The following HORMAD1 variants were observed in gnomAD, a reference collection of about 807,000 sequenced individuals.
The protein encoded by HORMAD1 is HORMA domain-containing protein 1.
A neutral mutation model predicts 58.2 loss-of-function variants in HORMAD1; 33 were observed. The observed-to-expected ratio is 0.57, with a 90% CI of 0.43 to 0.76. The LOEUF is 0.76. HORMAD1 is among the 30% of genes least tolerant of loss of function. The pLI is 0.00. For synonymous variants in HORMAD1, 137 were observed against 144.6 expected, an observed-to-expected ratio of 0.95 and a Z score of 0.38; for missense variants, 363 against 462.0, an observed-to-expected ratio of 0.79 and a Z score of 1.96.
In HORMAD1 at chr1:150,708,088, T is replaced by C. The variant is rs587719860; in HGVS notation, c.547+168A>G. Among the ~76,000 whole-genome samples, 8 of 152,340 alleles carry C rather than the reference T, an allele frequency of 5.3e-5. No individual in the cohort carries two copies. In the South Asian group the frequency reaches 1.7e-3, roughly 32 times the overall value. ...GTTCCTATCACTAGAGAAGCATCTA[T>C]TTTAAAGCTTAATTTTGTAAATCTT... On this transcript the variant is annotated intron_variant, in intron 9 of 14. Coordinates refer to ENST00000361824, the MANE Select transcript of HORMAD1 (RefSeq NM_032132.5).
chr1:150,700,914 T>C (rs967892179), intron 13 of HORMAD1, among the ~76,000 whole-genome samples: 4 of 152,194 alleles, frequency 2.6e-5, no homozygotes, highest in East Asian at 1.9e-4. Flanking sequence ...ATGCTGTATA[T>C]ATAGTTATTA....
At position 150,708,419 on chromosome 1, in the gene HORMAD1, T is replaced by C; in HGVS notation, c.396-12A>G. The C allele has an allele frequency of 6.5e-7, 1 of 1,545,714 alleles. No homozygotes were observed. The highest frequency in any genetic ancestry group is 8.8e-7 in the Non-Finnish European group (1 of 1,138,698). The stretch of plus-strand genomic sequence containing the variant: ...TGCTTTGGTTTTTACTAGAAGAGAA[T>C]CACATATTAATTTATTTTATAAAAC... On this transcript the variant is annotated splice_polypyrimidine_tract_variant and intron_variant, in intron 8 of 14. Transcript: ENST00000361824.
chr1:150,711,449 G>A, intron 7 of HORMAD1, 96 bp downstream of exon 7: 1 of 895,170 alleles, frequency 1.1e-6, no homozygotes, highest in South Asian at 1.4e-5. Context: ...ATTGATTAAA[G>A]CATAATTAAA....
At position 150,704,493 on chromosome 1, in the gene HORMAD1, A is replaced by G. The variant is rs1032452283; in HGVS notation, c.805-150T>C. ...GGGCATGGTGGCTCATGCTTGTATT[A>G]CTAGCACTTTGGAAGGCCATGGAGG... is the stretch of plus-strand genomic sequence containing the variant. On this transcript the variant is annotated intron_variant, in intron 10 of 14. Transcript: ENST00000361824. The G allele has an allele frequency of 5.1e-5, 31 of 608,434 alleles. 1 individual carries two copies. In the South Asian group the frequency reaches 6.4e-4, roughly 13 times the overall value. The allele number at this position is 608,434 out of a possible 1,614,324, so 37.7% of individuals were successfully genotyped here. A position where few individuals can be genotyped will look rare whatever the true frequency, so the allele number is the denominator to read the frequency against.
At chr1:150,712,784 T>C (rs957165579) in intron 5 of HORMAD1, among the ~76,000 whole-genome samples, 47 of 152,170 alleles carry the variant, frequency 3.1e-4, no homozygotes, top group African/African-American at 1.1e-3. Context: ...TAACCTTAGG[T>C]GATCCACGTG....
rs370511788 is a variant in HORMAD1 at position 150,704,293 on chromosome 1, T to C, written c.855A>G (p.Ala285=). 1.5e-5 allele frequency: 24 copies of C among 1,595,450 alleles called. No homozygotes were observed. The highest frequency in any genetic ancestry group is 2.0e-5 in the Non-Finnish European group (23 of 1,172,384). Residue 285 remains alanine, a synonymous_variant, in exon 11 of 15, where the codon GCA becomes GCG. Transcript: ENST00000361824. ...ACTTCTTACCTTCAAGTTCAGAAGA[T>C]GCAGGGTTTTTTTCCTGTTCTTCCA... is the stretch of plus-strand genomic sequence containing the variant. ...TKMEEQEKNP[A]SSELEEPSLV... is the part of the protein sequence containing the mutation.
At chr1:150,718,019 A>T (rs960322164) in intron 2 of HORMAD1, among the ~76,000 whole-genome samples, 1 of 152,196 alleles carries the variant, frequency 6.6e-6, no homozygotes, top group Non-Finnish European at 1.5e-5. Flanking sequence ...TATTTTGAGG[A>T]TGAATAAAAC....
intron 3 of HORMAD1, among the ~76,000 whole-genome samples, 171 bp from the exon 4 acceptor site, chr1:150,714,849 G>C (rs1005343502): frequency 1.3e-5 from 2 of 152,068 alleles, no homozygotes; most frequent in African/African-American, 4.8e-5. Context: ...GCGGTGACAT[G>C]ATCTCGGCTC....
Position 150,704,211 on chromosome 1 carries a change from A to G in HORMAD1, c.872-17T>C, listed in dbSNP as rs1198971886. On this transcript the variant is annotated splice_polypyrimidine_tract_variant and intron_variant, in intron 11 of 14. Coordinates refer to ENST00000361824, the MANE Select transcript of HORMAD1 (RefSeq NM_032132.5). The stretch of plus-strand genomic sequence containing the variant: ...AACTTGGTTCTGTAAAAAAAAAAAA[A>G]AAAAGTTACCCGGGTATAAAATTGA... The G allele has an allele frequency of 6.3e-7, 1 of 1,577,680 alleles. No individual in the cohort carries two copies. Among genetic ancestry groups the G allele is most frequent in the South Asian group, 1.2e-5 (1 of 84,532 alleles).
chr1:150,699,929 A>G (rs963322686), intron 14 of HORMAD1, among the ~76,000 whole-genome samples, 183 bp downstream of exon 14: 3 of 152,174 alleles, frequency 2.0e-5, no homozygotes, highest in South Asian at 2.1e-4. Flanking sequence ...ATAAACCAAC[A>G]TAGGGCATCT....
chr1:150,716,051 A>G (rs1416396831), intron 3 of HORMAD1, among the ~76,000 whole-genome samples: 1 of 152,010 alleles, frequency 6.6e-6, no homozygotes, highest in Admixed American at 6.6e-5. Context: ...CATGCAATAG[A>G]ACATTATTCA....
chr1:150,714,723 A>G, intron 3 of HORMAD1, 45 bp from the exon 4 acceptor site: 1 of 897,228 alleles, frequency 1.1e-6, no homozygotes, highest in South Asian at 1.9e-5. Flanking sequence ...AAGAAAAGTA[A>G]ACAACTAGAA....
At chr1:150,699,765 C>T (rs61817598) in intron 14 of HORMAD1, among the ~76,000 whole-genome samples, 11,175 of 151,560 alleles carry the variant, frequency 0.074, 583 homozygotes, top group East Asian at 0.18. Flanking sequence ...ATCTCTTGAC[C>T]TCGTGATCCA....
At chr1:150,699,768 G>A (rs377643513) in intron 14 of HORMAD1, among the ~76,000 whole-genome samples, 2 of 150,692 alleles carry the variant, frequency 1.3e-5, no homozygotes, top group Non-Finnish European at 3.0e-5. Flanking sequence ...TCTTGACCTC[G>A]TGATCCACCT....
At chr1:150,713,005 A>C (rs371174298) in intron 5 of HORMAD1, among the ~76,000 whole-genome samples, 1 of 152,100 alleles carries the variant, frequency 6.6e-6, no homozygotes, top group African/African-American at 2.4e-5. Context: ...AATTGCCCTC[A>C]GTCATATTGG....
rs746662043 is a variant in HORMAD1 at position 150,704,106 on chromosome 1, T to C, written c.948+12A>G. 6.5e-7 allele frequency: 1 copy of C among 1,543,748 alleles called. No homozygotes were observed. Among genetic ancestry groups the C allele is most frequent in the Non-Finnish European group, 8.8e-7 (1 of 1,142,264 alleles). ...ACAAAACAAAAGTGAGATGAAACTA[T>C]CAAGTTTATACCTGAGAATGAGAAA... On this transcript the variant is annotated intron_variant, in intron 12 of 14. Coordinates refer to ENST00000361824, the MANE Select transcript of HORMAD1 (RefSeq NM_032132.5).
chr1:150,698,511 T>C lies in HORMAD1; in HGVS notation c.*143A>G, dbSNP rs1220648416. ...TATCTCAAGATTAAGGACCACAATA[T>C]GACAGTCAGCCAAAAACTTAGTTTT... On this transcript the variant is annotated 3_prime_UTR_variant, in exon 15 of 15. Coordinates refer to ENST00000361824, the MANE Select transcript of HORMAD1 (RefSeq NM_032132.5). 9 of 442,936 alleles carry C rather than the reference T, an allele frequency of 2.0e-5. No individual in the cohort carries two copies. In the East Asian group the frequency reaches 3.1e-4, roughly 15 times the overall value. The allele number at this position is 442,936 out of a possible 1,614,324, so 27.4% of individuals were successfully genotyped here.
chr1:150,718,810 T>C (rs1652167454), intron 2 of HORMAD1, among the ~76,000 whole-genome samples: 1 of 152,172 alleles, frequency 6.6e-6, no homozygotes, highest in African/African-American at 2.4e-5. Context: ...ATTTATTTAA[T>C]TTTATTCTGC....
intron 8 of HORMAD1, 42 bp from the exon 9 acceptor site, chr1:150,708,449 G>A: frequency 7.7e-7 from 1 of 1,306,012 alleles, no homozygotes; most frequent in Non-Finnish European, 1.1e-6. Flanking sequence ...TAAAACCTGT[G>A]GCTTCTAATA....
Sources: allele counts gnomAD v4.1 joint callset (sites outside exome capture counted in the v4.1 genomes callset), GRCh38; gene constraint gnomAD v4.1.1; transcripts MANE v1.5; gene names NCBI Gene and HGNC (gene_info 2026-07-23, HGNC 2026-07-21).